The following KCNIP4 variants were observed in gnomAD, a reference collection of about 807,000 sequenced individuals.
KCNIP4 encodes Kv channel-interacting protein 4.
In KCNIP4, 12 loss-of-function variants were observed where a neutral mutation model predicts 34.0. The observed-to-expected ratio is 0.35, with a 90% confidence interval of 0.23 to 0.57. The LOEUF is 0.57. Among genes scored for constraint, KCNIP4 ranks in the 20% least tolerant of loss-of-function variants. The pLI is 0.83. For synonymous variants in KCNIP4, 124 were observed against 102.2 expected, an observed-to-expected ratio of 1.21 and a Z score of -1.29; for missense variants, 238 against 311.7, an observed-to-expected ratio of 0.76 and a Z score of 1.78.
At chr4:21,878,498 C>G (rs1200817868) in intron 1 of KCNIP4, among the ~76,000 whole-genome samples, 1 of 152,160 alleles carries the variant, frequency 6.6e-6, no homozygotes, top group Non-Finnish European at 1.5e-5. Context: ...GGTCTGCATT[C>G]TTTCACCTAC....
At chr4:20,876,682 C>T (rs1724076257) in intron 2 of KCNIP4, among the ~76,000 whole-genome samples, 1 of 152,078 alleles carries the variant, frequency 6.6e-6, no homozygotes, top group Non-Finnish European at 1.5e-5. Flanking sequence ...TCAAGTGATT[C>T]TCCTGCCTCA....
At chr4:20,878,962 T>C (rs1266079821) in intron 2 of KCNIP4, among the ~76,000 whole-genome samples, 1 of 152,164 alleles carries the variant, frequency 6.6e-6, no homozygotes, top group Non-Finnish European at 1.5e-5. Flanking sequence ...GGGGGATCAT[T>C]AAGCAGAGAG....
At chr4:21,460,496 G>A (rs539640751) in intron 1 of KCNIP4, among the ~76,000 whole-genome samples, 3 of 152,162 alleles carry the variant, frequency 2.0e-5, no homozygotes, top group African/African-American at 7.2e-5. Flanking sequence ...TGGATGTTGG[G>A]AAGATCATGA....
chr4:21,541,799 G>C (rs577914951), intron 1 of KCNIP4, among the ~76,000 whole-genome samples: 36 of 151,914 alleles, frequency 2.4e-4, no homozygotes, highest in Admixed American at 4.6e-4. Context: ...CTGCCACCAG[G>C]CTCAGCTACT....
At chr4:20,990,921 A>G (rs1285424724) in intron 1 of KCNIP4, among the ~76,000 whole-genome samples, 1 of 152,210 alleles carries the variant, frequency 6.6e-6, no homozygotes, top group Non-Finnish European at 1.5e-5. Context: ...TTTGTAGTAC[A>G]ATAATACTGA....
At chr4:21,926,200 C>T (rs1349594845) in intron 1 of KCNIP4, among the ~76,000 whole-genome samples, 1 of 152,156 alleles carries the variant, frequency 6.6e-6, no homozygotes, top group Non-Finnish European at 1.5e-5. Context: ...ATAATGCTAA[C>T]TTTTACAATA....
chr4:21,773,294 T>C (rs542155715), intron 1 of KCNIP4, among the ~76,000 whole-genome samples: 4 of 152,324 alleles, frequency 2.6e-5, no homozygotes, highest in Middle Eastern at 6.8e-3. Context: ...TTTGCTATGA[T>C]TTCAGTTCTT....
At chr4:20,790,682 G>A (rs1161178729) in intron 3 of KCNIP4, among the ~76,000 whole-genome samples, 1 of 152,028 alleles carries the variant, frequency 6.6e-6, no homozygotes, top group Non-Finnish European at 1.5e-5. Context: ...TTGTCCCACT[G>A]GAAGACCTTC....
chr4:20,749,912 G>T lies in KCNIP4; in HGVS notation c.359-180C>A, dbSNP rs184852225. 2.3e-3 allele frequency among the ~76,000 whole-genome samples: 352 copies of T among 152,320 alleles called. 8 individuals are homozygous for T. The South Asian group carries it at 0.046, about 20-fold the overall frequency. ...GACTAGAGTTTGAGATTCACAGGAA[G>T]AAGCAACCTACATAGAGGCCATTGG... On this transcript the variant is annotated intron_variant, in intron 4 of 8. Transcript: ENST00000382152.
chr4:20,952,655 A>T (rs2149643265), intron 1 of KCNIP4, among the ~76,000 whole-genome samples: 1 of 152,384 alleles, frequency 6.6e-6, no homozygotes, highest in Non-Finnish European at 1.5e-5. Flanking sequence ...ACTTTTGAAT[A>T]ACTGGTCATA....
chr4:21,706,063 G>T (rs893934583), intron 1 of KCNIP4, among the ~76,000 whole-genome samples: 1 of 152,088 alleles, frequency 6.6e-6, no homozygotes, highest in African/African-American at 2.4e-5. Flanking sequence ...ATTAGGAAGA[G>T]AACTATACAA....
chr4:21,837,229 C>T (rs1404539411), intron 1 of KCNIP4, among the ~76,000 whole-genome samples: 1 of 147,168 alleles, frequency 6.8e-6, no homozygotes, highest in Non-Finnish European at 1.5e-5. Flanking sequence ...GCTGGGATAA[C>T]ATTTATCAAA....
At chr4:21,483,420 G>C (rs929503565) in intron 1 of KCNIP4, among the ~76,000 whole-genome samples, 6 of 151,990 alleles carry the variant, frequency 3.9e-5, no homozygotes, top group Non-Finnish European at 7.4e-5. Flanking sequence ...TTGAATCATG[G>C]GGGGAGTTTC....
chr4:21,344,702 T>C (rs1380477417), intron 1 of KCNIP4, among the ~76,000 whole-genome samples: 2 of 152,190 alleles, frequency 1.3e-5, no homozygotes, highest in Non-Finnish European at 2.9e-5. Flanking sequence ...CCCCGATATG[T>C]AGGCAGAATA....
intron 1 of KCNIP4, among the ~76,000 whole-genome samples, chr4:21,353,143 T>C (rs1343425519): frequency 6.6e-6 from 1 of 151,968 alleles, no homozygotes; most frequent in Non-Finnish European, 1.5e-5. Flanking sequence ...CATCTGTAGG[T>C]CACCAACATC....
chr4:21,818,862 A>G (rs1325048092), intron 1 of KCNIP4, among the ~76,000 whole-genome samples: 2 of 152,146 alleles, frequency 1.3e-5, no homozygotes, highest in African/African-American at 4.8e-5. Context: ...ACAAAACAAA[A>G]CAAAACAACA....
At chr4:20,888,771 C>G (rs556728516) in intron 1 of KCNIP4, among the ~76,000 whole-genome samples, 1 of 152,056 alleles carries the variant, frequency 6.6e-6, no homozygotes, top group African/African-American at 2.4e-5. Flanking sequence ...ACCTCAAAAT[C>G]CTTGTCTTTC....
chr4:21,350,277 T>C (rs1419543632), intron 1 of KCNIP4, among the ~76,000 whole-genome samples: 1 of 152,076 alleles, frequency 6.6e-6, no homozygotes, highest in Non-Finnish European at 1.5e-5. Flanking sequence ...AAACTTTTAA[T>C]GAAGGAGTAG....
chr4:21,452,544 T>G (rs2109747436), intron 1 of KCNIP4, among the ~76,000 whole-genome samples: 1 of 152,146 alleles, frequency 6.6e-6, no homozygotes, highest in East Asian at 1.9e-4. Context: ...ATAGGGCAGT[T>G]TTGACAAATA....
Sources: allele counts gnomAD v4.1 joint callset (sites outside exome capture counted in the v4.1 genomes callset), GRCh38; gene constraint gnomAD v4.1.1; transcripts MANE v1.5; gene names NCBI Gene and HGNC (gene_info 2026-07-23, HGNC 2026-07-21).